Variants in CDH18 observed in about 807,000 individuals in gnomAD.
CDH18 encodes the protein cadherin-18.
A neutral mutation model predicts 67.9 loss-of-function variants in CDH18; 31 were observed. The observed-to-expected ratio is 0.46, with a 90% confidence interval of 0.34 to 0.62. The LOEUF is 0.62. Among genes scored for constraint, CDH18 ranks in the 20% least tolerant of loss-of-function variants. The pLI, the probability that CDH18 is intolerant of heterozygous loss-of-function variation, is 0.01. For missense variants in CDH18, 890 were observed against 975.5 expected (o/e 0.91, Z 1.17); for synonymous variants, 362 against 347.2 (o/e 1.04, Z -0.48).
intron 2 of CDH18, among the ~76,000 whole-genome samples, chr5:20,165,195 T>C (rs1349502167): frequency 4.6e-5 from 7 of 152,074 alleles, no homozygotes; most frequent in Non-Finnish European, 8.8e-5. Context: ...TGTGAAAATA[T>C]GTCATTTTAA....
intron 5 of CDH18, among the ~76,000 whole-genome samples, chr5:19,674,117 A>T (rs1158882408): frequency 6.6e-6 from 1 of 152,050 alleles, no homozygotes; most frequent in East Asian, 1.9e-4. Flanking sequence ...ATAACCTCCT[A>T]CATTTATGTG....
chr5:19,785,076 AC>A (rs1360107706), intron 3 of CDH18, among the ~76,000 whole-genome samples: 2 of 151,958 alleles, frequency 1.3e-5, no homozygotes, highest in East Asian at 3.9e-4. Flanking sequence ...CTGTAACCCA[AC>A]CACCTCAGGC....
At chr5:19,655,449 A>T (rs973368100) in intron 5 of CDH18, among the ~76,000 whole-genome samples, 3 of 151,638 alleles carry the variant, frequency 2.0e-5, no homozygotes, top group African/African-American at 7.3e-5. Flanking sequence ...ATATATTTAA[A>T]ATAAGGAAGA....
chr5:19,525,990 A>C (rs1356291357), intron 9 of CDH18, among the ~76,000 whole-genome samples: 1 of 152,170 alleles, frequency 6.6e-6, no homozygotes, highest in African/African-American at 2.4e-5. Flanking sequence ...CAGAGTAAAT[A>C]AAATATATTG....
chr5:19,787,226 A>G (rs1775894533), intron 3 of CDH18, among the ~76,000 whole-genome samples: 1 of 152,132 alleles, frequency 6.6e-6, no homozygotes, highest in Admixed American at 6.5e-5. Context: ...GAGCCAAGGC[A>G]GGTGGATCAC....
chr5:20,083,431 G>T (rs1446607292), intron 2 of CDH18, among the ~76,000 whole-genome samples: 2 of 151,958 alleles, frequency 1.3e-5, no homozygotes, highest in African/African-American at 4.8e-5. Flanking sequence ...CAGAGTTGTG[G>T]CAACCTGCAT....
intron 1 of CDH18, among the ~76,000 whole-genome samples, chr5:20,265,259 G>GA (rs1744945537): frequency 6.6e-6 from 1 of 151,742 alleles, no homozygotes; most frequent in African/African-American, 2.4e-5. Context: ...TTATTATAAA[G>GA]AAAAATAGTG....
At chr5:20,536,623 G>A (rs537314974) in intron 1 of CDH18, among the ~76,000 whole-genome samples, 1 of 152,216 alleles carries the variant, frequency 6.6e-6, no homozygotes, top group East Asian at 1.9e-4. Flanking sequence ...CTTGCTAAAA[G>A]TCAGTTAGCC....
intron 2 of CDH18, among the ~76,000 whole-genome samples, chr5:20,137,186 T>G (rs1338069922): frequency 6.6e-6 from 1 of 152,190 alleles, no homozygotes; most frequent in Non-Finnish European, 1.5e-5. Context: ...TTTTCCAACT[T>G]GGTTCCATTC....
intron 5 of CDH18, among the ~76,000 whole-genome samples, chr5:19,619,309 T>C (rs1276751893): frequency 6.6e-6 from 1 of 152,154 alleles, no homozygotes. Context: ...GAATGTTCAA[T>C]GATATGGAAA....
At position 19,706,571 on chromosome 5, in the gene CDH18, G is replaced by A. The variant is rs1180362824; in HGVS notation, c.643+14776C>T. Among the ~76,000 whole-genome samples the A allele has an allele frequency of 3.3e-5, 5 of 152,228 alleles. No homozygotes were observed. In the South Asian group the frequency reaches 1.0e-3, roughly 32 times the overall value. The stretch of plus-strand genomic sequence containing the variant: ...GACTAGCTTATGTACATGTATGTGT[G>A]GACACCTTTTCTCACTTTGTCTGGG... On this transcript the variant is annotated intron_variant, in intron 5 of 12. Transcript: ENST00000382275.
intron 2 of CDH18, among the ~76,000 whole-genome samples, chr5:19,971,859 AGAG>A (rs1438326618): frequency 1.8e-4 from 6 of 32,526 alleles, no homozygotes; most frequent in African/African-American, 4.9e-4. Flanking sequence ...AAAAAAAAAA[AGAG>A]AGAGAGAGAG....
chr5:19,655,920 A>G (rs1157908623), intron 5 of CDH18, among the ~76,000 whole-genome samples: 1 of 151,924 alleles, frequency 6.6e-6, no homozygotes, highest in Non-Finnish European at 1.5e-5. Flanking sequence ...TTAAGATGAA[A>G]GCAAATTGAT....
At chr5:20,341,358 A>G (rs4472264) in intron 1 of CDH18, among the ~76,000 whole-genome samples, 123,785 of 151,896 alleles carry the variant, frequency 0.81, 50,738 homozygotes, top group African/African-American at 0.91. Context: ...TTTCTCCCAT[A>G]CAGGGTGCTT....
intron 3 of CDH18, among the ~76,000 whole-genome samples, chr5:19,768,624 T>C (rs1455580630): frequency 6.6e-6 from 1 of 152,126 alleles, no homozygotes; most frequent in African/African-American, 2.4e-5. Context: ...AAAATCTCTG[T>C]CAAATCATTA....
intron 5 of CDH18, among the ~76,000 whole-genome samples, chr5:19,658,622 C>A (rs549886440): frequency 2.6e-5 from 4 of 151,862 alleles, no homozygotes; most frequent in Non-Finnish European, 5.9e-5. Context: ...TTTTATCTAG[C>A]ACACTTATTT....
chr5:20,166,774 T>C (rs1399654811), intron 2 of CDH18, among the ~76,000 whole-genome samples: 2 of 152,282 alleles, frequency 1.3e-5, no homozygotes, highest in African/African-American at 4.8e-5. Flanking sequence ...TTGTTAACCC[T>C]TTCTTCTTTA....
At chr5:20,212,939 G>A (rs1365654132) in intron 2 of CDH18, among the ~76,000 whole-genome samples, 1 of 151,882 alleles carries the variant, frequency 6.6e-6, no homozygotes, top group Non-Finnish European at 1.5e-5. Flanking sequence ...CTTATCATTT[G>A]TGTGTTTACT....
chr5:20,131,635 A>G (rs1363129984), intron 2 of CDH18, among the ~76,000 whole-genome samples: 1 of 152,102 alleles, frequency 6.6e-6, no homozygotes, highest in African/African-American at 2.4e-5. Context: ...ACATATGTAT[A>G]TCCTATTAGG....
Sources: allele counts gnomAD v4.1 joint callset (sites outside exome capture counted in the v4.1 genomes callset), GRCh38; gene constraint gnomAD v4.1.1; transcripts MANE v1.5; gene names NCBI Gene and HGNC (gene_info 2026-07-23, HGNC 2026-07-21).